The following INO80D variants were observed in gnomAD, a reference collection of about 807,000 sequenced individuals.
INO80D encodes the protein INO80 complex subunit D.
In INO80D, 21 loss-of-function variants were observed where a neutral mutation model predicts 87.6. The ratio of observed to expected loss-of-function variants is 0.24; its 90% CI spans 0.17 to 0.35. The LOEUF is 0.35. Among genes scored for constraint, INO80D ranks in the 10% least tolerant of loss-of-function variants. The probability of loss-of-function intolerance (pLI) is 1.00; values close to 1 mark genes in which losing one functional copy is unlikely to be tolerated. For missense variants in INO80D, 982 were observed against 1,280.7 expected (o/e 0.77, Z 3.56); for synonymous variants, 440 against 491.0 (o/e 0.90, Z 1.37).
At chr2:206,055,831 T>C (rs1486613074) in intron 4 of INO80D, among the ~76,000 whole-genome samples, 2 of 152,226 alleles carry the variant, frequency 1.3e-5, no homozygotes, top group Non-Finnish European at 2.9e-5. Flanking sequence ...CAATACATTA[T>C]AACAACTGTT....
chr2:206,006,662 G>A (rs1424911337), intron 10 of INO80D, among the ~76,000 whole-genome samples: 5 of 146,120 alleles, frequency 3.4e-5, no homozygotes, highest in South Asian at 4.4e-4. Flanking sequence ...CAGTCTGAGC[G>A]ACAGAGCGAG....
At chr2:206,066,804 C>CAAAAAAAAAAAAAAAAAAA (rs374391311) in intron 1 of INO80D, among the ~76,000 whole-genome samples, 1 of 97,988 alleles carries the variant, frequency 1.0e-5, no homozygotes, top group African/African-American at 4.3e-5. Flanking sequence ...GACTCCATCA[C>CAAAAAAAAAAAAAAAAAAA]AAAAAAAAAA....
At position 206,001,211 on chromosome 2, in the gene INO80D, G is replaced by A. The variant is rs534986017; in HGVS notation, c.*3157C>T. ...TAATATTAATAATTATGTAGAGAGA[G>A]TAAAGGAGAAAAAGCCCATCTTTTC... On this transcript the variant is annotated 3_prime_UTR_variant, in exon 11 of 11. Coordinates refer to ENST00000403263, the MANE Select transcript of INO80D (RefSeq NM_017759.5). The A allele has an allele frequency of 3.3e-5, 5 of 152,280 alleles. No individual in the cohort carries two copies. In the South Asian group the frequency reaches 8.3e-4, roughly 25 times the overall value. The allele number at this position is 152,280 out of a possible 1,614,324, so 9.4% of individuals were successfully genotyped here.
At chr2:206,076,129 G>A (rs1243178343) in intron 1 of INO80D, among the ~76,000 whole-genome samples, 1 of 150,008 alleles carries the variant, frequency 6.7e-6, no homozygotes, top group African/African-American at 2.4e-5. Context: ...GGAGGCCACG[G>A]CAGAAGGATT....
intron 1 of INO80D, among the ~76,000 whole-genome samples, chr2:206,071,728 T>C (rs1689978327): frequency 6.6e-6 from 1 of 151,754 alleles, no homozygotes; most frequent in Non-Finnish European, 1.5e-5. Flanking sequence ...AATACTTCTG[T>C]TGTCTTCTTT....
rs1274710339 is a variant in INO80D, at chr2:205,994,100, T to C, written c.*10268A>G. On this transcript the variant is annotated 3_prime_UTR_variant, in exon 11 of 11. Transcript: ENST00000403263. ...GCACCCAATGCCACAAGTATGCCTG[T>C]CCACCAGAACTGGGGGCTCTTACCA... 1 of 152,178 alleles carries C rather than the reference T, an allele frequency of 6.6e-6. No homozygotes were observed. Among genetic ancestry groups the C allele is most frequent in the African/African-American group, 2.4e-5 (1 of 41,436 alleles). 9.4% of individuals were successfully genotyped at this position (152,178 alleles called of 1,614,324 possible). A position where few individuals can be genotyped will look rare whatever the true frequency, so the allele number is the denominator to read the frequency against.
At chr2:206,009,238 G>A (rs1688105519) in intron 9 of INO80D, among the ~76,000 whole-genome samples, 1 of 152,210 alleles carries the variant, frequency 6.6e-6, no homozygotes, top group Non-Finnish European at 1.5e-5. Context: ...AACCCTGGAG[G>A]CAGAGGTTGC....
intron 5 of INO80D, among the ~76,000 whole-genome samples, chr2:206,045,711 A>C (rs1035561051): frequency 1.3e-5 from 2 of 152,024 alleles, no homozygotes; most frequent in African/African-American, 4.8e-5. Flanking sequence ...CAGGAGATCT[A>C]GCCTAAAAAA....
chr2:206,078,479 T>C (rs902647433), intron 1 of INO80D, among the ~76,000 whole-genome samples: 2 of 152,146 alleles, frequency 1.3e-5, no homozygotes, highest in African/African-American at 4.8e-5. Context: ...ATTGTTTTCA[T>C]GTCAGCAGCT....
At chr2:206,034,173 A>C (rs975813743) in intron 5 of INO80D, among the ~76,000 whole-genome samples, 2 of 152,172 alleles carry the variant, frequency 1.3e-5, no homozygotes, top group Non-Finnish European at 2.9e-5. Flanking sequence ...AGACATTCAA[A>C]GAAGAATTGA....
intron 3 of INO80D, among the ~76,000 whole-genome samples, chr2:206,060,865 G>C (rs4675585): frequency 2.6e-5 from 4 of 151,580 alleles, no homozygotes; most frequent in African/African-American, 9.7e-5. Context: ...CGGCAACTTA[G>C]TACTTATTAA....
chr2:206,084,658 G>C (rs1386602429), intron 1 of INO80D: 1 of 152,418 alleles, frequency 6.6e-6, no homozygotes, highest in Non-Finnish European at 1.5e-5. Flanking sequence ...CCCTCTCACT[G>C]ACAGTCTCCT....
At chr2:206,025,597 G>A (rs1688596207) in intron 6 of INO80D, 1 of 142,484 alleles carries the variant, frequency 7.0e-6, no homozygotes, top group Non-Finnish European at 1.5e-5. Flanking sequence ...GAAATAGGCT[G>A]GTCCATATGC....
In INO80D at chr2:206,085,202, C is replaced by T. The variant is rs1237680695; in HGVS notation, c.-124+699G>A. Among the ~76,000 whole-genome samples, 1 of 152,148 alleles carries T rather than the reference C, an allele frequency of 6.6e-6. No homozygotes were observed. The highest frequency in any genetic ancestry group is 1.5e-5 in the Non-Finnish European group (1 of 67,998). The stretch of plus-strand genomic sequence containing the variant: ...GGAAACTTTCTGGGCCGCGGCTGCA[C>T]CTGACTCCTCACCGCCCCTCCACCC... On this transcript the variant is annotated intron_variant, in intron 1 of 10. Coordinates refer to ENST00000403263, the MANE Select transcript of INO80D (RefSeq NM_017759.5). This position sits in a 1 kb window ranked among gnomAD's most constrained non-coding sequence, Gnocchi z 4.5.
chr2:206,063,377 A>G, intron 1 of INO80D, 133 bp from the exon 2 acceptor site: 1 of 377,636 alleles, frequency 2.6e-6, no homozygotes, highest in East Asian at 4.9e-5. Flanking sequence ...CCCAATAACG[A>G]GGTTAAATAA....
rs951828470 is a variant in INO80D, at chr2:206,086,107, G to A, written c.-330C>T. 3 of 152,186 alleles carry A rather than the reference G, an allele frequency of 2.0e-5. No individual in the cohort carries two copies. The highest frequency in any genetic ancestry group is 7.2e-5 in the African/African-American group (3 of 41,440). 9.4% of individuals were successfully genotyped at this position (152,186 alleles called of 1,614,324 possible). A position where few individuals can be genotyped will look rare whatever the true frequency, so the allele number is the denominator to read the frequency against. On this transcript the variant is annotated 5_prime_UTR_variant, in exon 1 of 11. Coordinates refer to ENST00000403263, the MANE Select transcript of INO80D (RefSeq NM_017759.5). ...GAAACTAAAAAGTGCTCCCAGGGTC[G>A]GTGATTATTAAGGGGAAATCCCTGA... is the stretch of plus-strand genomic sequence containing the variant.
At chr2:206,070,991 C>T (rs1024467906) in intron 1 of INO80D, among the ~76,000 whole-genome samples, 2 of 147,808 alleles carry the variant, frequency 1.4e-5, no homozygotes, top group Non-Finnish European at 3.0e-5. Flanking sequence ...CTTTTTCACT[C>T]TTGTTGCCCA....
intron 1 of INO80D, among the ~76,000 whole-genome samples, chr2:206,084,240 TACACACACACACAC>T (rs111836331): frequency 9.6e-5 from 13 of 135,124 alleles, no homozygotes; most frequent in Non-Finnish European, 1.3e-4. Context: ...ATGTTATACA[TACACACACACACAC>T]ACACACACAC....
At position 206,009,702 on chromosome 2, in the gene INO80D, T is replaced by C. The variant is rs1441418215; in HGVS notation, c.1635A>G (p.Lys545=). 2.5e-6 allele frequency: 4 copies of C among 1,613,858 alleles called. No individual in the cohort carries two copies. Among genetic ancestry groups the C allele is most frequent in the Non-Finnish European group, 3.4e-6 (4 of 1,179,896 alleles). The change falls in exon 9 of 11, where the codon AAA becomes AAG. Residue 545 remains lysine (K), a synonymous_variant. Coordinates refer to ENST00000403263, the MANE Select transcript of INO80D (RefSeq NM_017759.5). Reference sequence around the variant, plus strand: ...CACGCCTTCTCTTCTTCTTGTGTTTTTTGGTTAGTGCAGGAGGCTTGGTTT... The same window carrying C: ...CACGCCTTCTCTTCTTCTTGTGTTTCTTGGTTAGTGCAGGAGGCTTGGTTT... ...RKKTKPPALT[K]KHKKKRRRGP...
Sources: allele counts gnomAD v4.1 joint callset (sites outside exome capture counted in the v4.1 genomes callset), GRCh38; gene constraint gnomAD v4.1.1; non-coding constraint Gnocchi (gnomAD v3.1); transcripts MANE v1.5; gene names NCBI Gene and HGNC (gene_info 2026-07-23, HGNC 2026-07-21).